KCNQ5: variants seen among roughly 807,000 people sequenced by gnomAD.
KCNQ5 encodes the protein potassium voltage-gated channel subfamily Q member 5, also known as potassium voltage-gated channel subfamily KQT member 5.
KCNQ5 carries 30 observed loss-of-function variants against 98.2 expected under a neutral mutation model. The observed-to-expected ratio is 0.31, with a 90% confidence interval of 0.23 to 0.41. The LOEUF (loss-of-function observed/expected upper bound fraction) is 0.41, where lower values mean the gene tolerates loss of function less well. Among genes scored for constraint, KCNQ5 ranks in the 10% least tolerant of loss-of-function variants. The pLI is 1.00. For synonymous variants in KCNQ5, 458 were observed against 449.4 expected, an observed-to-expected ratio of 1.02 and a Z score of -0.24; for missense variants, 835 against 1,182.5, an observed-to-expected ratio of 0.71 and a Z score of 4.31.
At chr6:72,787,907 C>G (rs1386818869) in intron 1 of KCNQ5, among the ~76,000 whole-genome samples, 2 of 152,216 alleles carry the variant, frequency 1.3e-5, no homozygotes, top group African/African-American at 4.8e-5. Context: ...TGTTCTGAGT[C>G]ACTATGTGCT....
intron 1 of KCNQ5, among the ~76,000 whole-genome samples, chr6:72,704,403 T>G (rs771105537): frequency 1.1e-4 from 17 of 150,780 alleles, no homozygotes; most frequent in South Asian, 2.1e-4. Flanking sequence ...TTACTCTGGG[T>G]TTTTTTTTCC....
At chr6:73,068,482 C>T (rs1182857814) in intron 3 of KCNQ5, among the ~76,000 whole-genome samples, 4 of 152,074 alleles carry the variant, frequency 2.6e-5, no homozygotes, top group Admixed American at 1.3e-4. Context: ...AATAAATTAG[C>T]TCAAATGTAT....
intron 1 of KCNQ5, among the ~76,000 whole-genome samples, chr6:72,729,135 C>A (rs953117592): frequency 6.6e-6 from 1 of 152,086 alleles, no homozygotes; most frequent in African/African-American, 2.4e-5. Context: ...ATTTAATGGA[C>A]ATACCATTAT....
chr6:72,735,489 A>T (rs1173820986), intron 1 of KCNQ5, among the ~76,000 whole-genome samples: 1 of 152,164 alleles, frequency 6.6e-6, no homozygotes, highest in Admixed American at 6.5e-5. Context: ...AGTACTACTA[A>T]TATTTTTAAT....
At chr6:72,941,709 T>C (rs1334372849) in intron 1 of KCNQ5, among the ~76,000 whole-genome samples, 5 of 26,480 alleles carry the variant, frequency 1.9e-4, no homozygotes, top group East Asian at 3.7e-3. Flanking sequence ...TCTTTCTTTC[T>C]TTCTTTCTTT....
intron 1 of KCNQ5, among the ~76,000 whole-genome samples, chr6:72,753,442 T>C (rs1198399119): frequency 6.6e-6 from 1 of 152,102 alleles, no homozygotes; most frequent in Non-Finnish European, 1.5e-5. Context: ...GGACTTTACT[T>C]GGATAAATAT....
At chr6:72,932,833 T>C (rs1049136056) in intron 1 of KCNQ5, among the ~76,000 whole-genome samples, 1 of 152,214 alleles carries the variant, frequency 6.6e-6, no homozygotes, top group Non-Finnish European at 1.5e-5. Context: ...CTATTATCAC[T>C]TCAAGAAACT....
intron 1 of KCNQ5, among the ~76,000 whole-genome samples, chr6:72,826,555 C>CT (rs377573337): frequency 6.6e-6 from 1 of 151,430 alleles, no homozygotes; most frequent in African/African-American, 2.4e-5. Context: ...CTATAATCTT[C>CT]TTTTTTTTAA....
chr6:72,839,213 T>C (rs1283287026), intron 1 of KCNQ5, among the ~76,000 whole-genome samples: 1 of 152,190 alleles, frequency 6.6e-6, no homozygotes, highest in African/African-American at 2.4e-5. Context: ...ATACACTTTC[T>C]TGCAGATACT....
At position 72,987,721 on chromosome 6, in the gene KCNQ5, G is replaced by A. The variant is rs1221453131; in HGVS notation, c.399-16187G>A. ...CAAGATCTTTTATATTCATAGGAACGCTTCCAAGTTAGCCAAGCTGGAAGA... is the reference window on the plus strand; with the variant it reads ...CAAGATCTTTTATATTCATAGGAACACTTCCAAGTTAGCCAAGCTGGAAGA... On this transcript the variant is annotated intron_variant, in intron 1 of 13. Coordinates refer to ENST00000370398, the MANE Select transcript of KCNQ5 (RefSeq NM_019842.4). The A allele has an allele frequency of 1.3e-5, 7 of 545,234 alleles. No homozygotes were observed. In the Admixed American group the frequency reaches 1.7e-4, roughly 13 times the overall value. 33.8% of individuals were successfully genotyped at this position (545,234 alleles called of 1,614,324 possible). A position where few individuals can be genotyped will look rare whatever the true frequency, so the allele number is the denominator to read the frequency against.
chr6:72,793,347 C>T (rs1774160855), intron 1 of KCNQ5, among the ~76,000 whole-genome samples: 1 of 152,164 alleles, frequency 6.6e-6, no homozygotes, highest in Non-Finnish European at 1.5e-5. Flanking sequence ...TTGATGGCAG[C>T]ACAGCTTGTG....
chr6:73,032,146 C>G (rs1771180393), intron 2 of KCNQ5, among the ~76,000 whole-genome samples: 2 of 152,308 alleles, frequency 1.3e-5, no homozygotes, highest in Non-Finnish European at 2.9e-5. Context: ...ACTAATTTCT[C>G]AAGGTCAGGA....
chr6:72,924,984 C>A (rs906712518), intron 1 of KCNQ5, among the ~76,000 whole-genome samples: 1 of 152,000 alleles, frequency 6.6e-6, no homozygotes, highest in Non-Finnish European at 1.5e-5. Flanking sequence ...GCATGGTTTT[C>A]TTAATCTATT....
intron 1 of KCNQ5, among the ~76,000 whole-genome samples, chr6:72,711,747 A>G (rs1351937110): frequency 2.0e-5 from 3 of 152,222 alleles, no homozygotes; most frequent in Non-Finnish European, 2.9e-5. Flanking sequence ...AGAGAAGCGG[A>G]TTGATCTTTA....
chr6:73,029,321 A>T (rs1410697928), intron 2 of KCNQ5, among the ~76,000 whole-genome samples: 1 of 152,112 alleles, frequency 6.6e-6, no homozygotes, highest in Non-Finnish European at 1.5e-5. Flanking sequence ...ATTGTGACAG[A>T]AACAAAGGAT....
At chr6:73,081,589 A>G (rs1450219331) in intron 5 of KCNQ5, among the ~76,000 whole-genome samples, 6 of 152,320 alleles carry the variant, frequency 3.9e-5, no homozygotes, top group African/African-American at 1.4e-4. Flanking sequence ...TGCCACGGAA[A>G]TCTACCAACA....
chr6:72,941,571 C>CT, intron 1 of KCNQ5, among the ~76,000 whole-genome samples: 1 of 101,538 alleles, frequency 9.8e-6, no homozygotes, highest in Non-Finnish European at 2.4e-5. Context: ...TCCTTCCTTC[C>CT]TCCTTCCCTC....
At chr6:72,733,078 C>T (rs112461894) in intron 1 of KCNQ5, among the ~76,000 whole-genome samples, 1,778 of 152,270 alleles carry the variant, frequency 0.012, 29 homozygotes, top group African/African-American at 0.04. Context: ...TGGACATTCA[C>T]ATGGGACTAG....
intron 1 of KCNQ5, among the ~76,000 whole-genome samples, chr6:72,872,033 T>A (rs1171322736): frequency 1.3e-5 from 2 of 152,136 alleles, no homozygotes; most frequent in Non-Finnish European, 2.9e-5. Flanking sequence ...CAAACCTAGG[T>A]GTCCAGGAAA....
Sources: allele counts gnomAD v4.1 joint callset (sites outside exome capture counted in the v4.1 genomes callset), GRCh38; gene constraint gnomAD v4.1.1; transcripts MANE v1.5; gene names NCBI Gene and HGNC (gene_info 2026-07-23, HGNC 2026-07-21).